Variants in IL1R2 observed in about 807,000 individuals in gnomAD.
IL1R2 encodes the protein interleukin-1 receptor type 2.
IL1R2 carries 46 observed loss-of-function variants against 39.5 expected under a neutral mutation model. That is an observed-to-expected ratio of 1.16 (90% CI 0.92 to 1.49). IL1R2 has a LOEUF of 1.49. Ranked by LOEUF, IL1R2 falls within the 40% of genes most tolerant of loss-of-function variation. The pLI is 0.00. For synonymous variants in IL1R2, 207 were observed against 189.6 expected (o/e 1.09, Z -0.75); for missense variants, 537 against 502.0 (o/e 1.07, Z -0.67).
At chr2:101,999,481 A>G (rs1012955892) in intron 1 of IL1R2, among the ~76,000 whole-genome samples, 2 of 152,142 alleles carry the variant, frequency 1.3e-5, no homozygotes, top group African/African-American at 4.8e-5. Flanking sequence ...TCGGCAAGAG[A>G]GTTGACTGAG....
Position 102,009,584 on chromosome 2 carries a change from T to A in IL1R2, c.90T>A (p.Phe30Leu), listed in dbSNP as rs1241967918. The A allele has an allele frequency of 3.1e-6, 5 of 1,613,922 alleles. No individual in the cohort carries two copies. The highest frequency in any genetic ancestry group is 4.2e-6 in the Non-Finnish European group (5 of 1,179,970). Residue 30 changes from phenylalanine to leucine, a missense_variant, in exon 3 of 9, where the codon TTT (phenylalanine) becomes TTA (leucine). By Grantham distance (22) the Phe-to-Leu change is conservative. Coordinates refer to ENST00000332549, the MANE Select transcript of IL1R2 (RefSeq NM_004633.4). ...AHTGAARSCR[F>L]RGRHYKREFR... ...CAGGGGCTGCCAGAAGCTGCCGGTT[T>A]CGTGGGAGGCATTACAAGCGGGAGT... is the stretch of plus-strand genomic sequence containing the variant.
intron 1 of IL1R2, among the ~76,000 whole-genome samples, chr2:102,003,479 GGCCTATGTCTA>G: frequency 8.5e-6 from 1 of 117,630 alleles, no homozygotes. Flanking sequence ...TCGGTGTCTA[GGCCTATGTCTA>G]TGTCTGTGTC....
intron 6 of IL1R2, among the ~76,000 whole-genome samples, chr2:102,023,073 T>A (rs555516561): frequency 1.3e-5 from 2 of 152,344 alleles, no homozygotes; most frequent in East Asian, 3.9e-4. Context: ...AAAACCTGCA[T>A]CCTTTTATGT....
Position 102,024,513 on chromosome 2 carries a change from C to T in IL1R2, c.752-20C>T. 6.3e-7 allele frequency: 1 copy of T among 1,596,858 alleles called. No individual in the cohort carries two copies. Among genetic ancestry groups the T allele is most frequent in the Non-Finnish European group, 8.6e-7 (1 of 1,164,374 alleles). On this transcript the variant is annotated intron_variant, in intron 6 of 8. Coordinates refer to ENST00000332549, the MANE Select transcript of IL1R2 (RefSeq NM_004633.4). ...AGGTGCTGGTTCTGCAGTTGACGTG[C>T]TGTGCCTTGCCATCCACAGGGTCAA... is the stretch of plus-strand genomic sequence containing the variant.
intron 4 of IL1R2, among the ~76,000 whole-genome samples, chr2:102,018,344 ACT>A (rs1423192325): frequency 6.6e-6 from 1 of 152,036 alleles, no homozygotes; most frequent in African/African-American, 2.4e-5. Flanking sequence ...TGGGTTTGAA[ACT>A]CTGTTCCTTC....
chr2:102,022,696 T>C (rs1318981179), intron 6 of IL1R2, among the ~76,000 whole-genome samples: 1 of 152,184 alleles, frequency 6.6e-6, no homozygotes, highest in Non-Finnish European at 1.5e-5. Context: ...GTCAGTTTCT[T>C]GTTGCCAGAA....
chr2:102,022,795 G>A (rs541945303), intron 6 of IL1R2, among the ~76,000 whole-genome samples: 2 of 152,206 alleles, frequency 1.3e-5, no homozygotes, highest in Admixed American at 1.3e-4. Flanking sequence ...ATCCTGGCCA[G>A]CACAGGTCCA....
At chr2:102,013,469 G>C (rs961107362) in intron 3 of IL1R2, among the ~76,000 whole-genome samples, 1 of 134,436 alleles carries the variant, frequency 7.4e-6, no homozygotes, top group Non-Finnish European at 1.5e-5. Context: ...AGCAGTAGCT[G>C]CCTGGGCCTC....
chr2:102,016,227 G>A (rs1403760463), intron 4 of IL1R2, 176 bp downstream of exon 4: 10 of 526,044 alleles, frequency 1.9e-5, no homozygotes, highest in Non-Finnish European at 2.7e-5. Flanking sequence ...CAACCAACCT[G>A]GGATTGAAAA....
chr2:101,997,067 T>C (rs1675626443), intron 1 of IL1R2, among the ~76,000 whole-genome samples: 1 of 152,144 alleles, frequency 6.6e-6, no homozygotes, highest in Non-Finnish European at 1.5e-5. Flanking sequence ...GAGGGGGACA[T>C]TGTGTCCCCA....
In IL1R2 at chr2:102,009,787, C is replaced by G. The variant is rs936550727; in HGVS notation, c.293C>G (p.Ala98Gly). ...AQDGALWLLP[A>G]LQEDSGTYVC... ...GACGGTGCTCTGTGGCTTCTGCCAG[C>G]CTTGCAGGAGGACTCTGGCACCTAC... Residue 98 changes from alanine (A) to glycine (G), a missense_variant, in exon 3 of 9, where the codon GCC becomes GGC. Ala to Gly is a moderately conservative substitution (Grantham distance 60). Transcript: ENST00000332549. The G allele has an allele frequency of 1.2e-6, 2 of 1,614,086 alleles. No homozygotes were observed. Among genetic ancestry groups the G allele is most frequent in the African/African-American group, 2.7e-5 (2 of 74,920 alleles).
chr2:102,019,375 C>T (rs981648675), intron 4 of IL1R2, among the ~76,000 whole-genome samples: 2 of 152,146 alleles, frequency 1.3e-5, no homozygotes, highest in African/African-American at 4.8e-5. Context: ...AAGAAGAGTT[C>T]GTCTCTTTTT....
At position 102,028,163 on chromosome 2, in the gene IL1R2, G is replaced by T. The variant is rs377707576; in HGVS notation, c.1031-63G>T. 167 of 1,376,452 alleles carry T rather than the reference G, an allele frequency of 1.2e-4. 2 individuals carry two copies. In the East Asian group the frequency reaches 1.9e-3, roughly 15 times the overall value. 85.3% of individuals were successfully genotyped at this position (1,376,452 alleles called of 1,614,324 possible). A position where few individuals can be genotyped will look rare whatever the true frequency, so the allele number is the denominator to read the frequency against. On this transcript the variant is annotated intron_variant, in intron 8 of 8. Transcript: ENST00000332549. Reference sequence around the variant, plus strand: ...CTTTCTTATCTTGTACACCTGCATTGCCCTGTCCTCTTGTACAGTGAGAGA... The same window carrying T: ...CTTTCTTATCTTGTACACCTGCATTTCCCTGTCCTCTTGTACAGTGAGAGA...
At chr2:102,006,525 A>G (rs1038387291) in intron 1 of IL1R2, among the ~76,000 whole-genome samples, 2 of 152,150 alleles carry the variant, frequency 1.3e-5, no homozygotes, top group South Asian at 4.1e-4. Flanking sequence ...CAATGCCGCA[A>G]TGCCGCCCTG....
chr2:102,014,825 T>G (rs1041905609), intron 3 of IL1R2, among the ~76,000 whole-genome samples: 13 of 151,706 alleles, frequency 8.6e-5, no homozygotes, highest in Admixed American at 7.9e-4. Flanking sequence ...AGAGTAGTTT[T>G]AATTACTGTT....
intron 8 of IL1R2, among the ~76,000 whole-genome samples, chr2:102,027,126 A>T (rs561530429): frequency 1.3e-5 from 2 of 152,166 alleles, no homozygotes; most frequent in South Asian, 4.1e-4. Flanking sequence ...ACAAACACAG[A>T]TCTCAGGACT....
At chr2:102,024,049 AAAAACAAAAC>A (rs1165604751) in intron 6 of IL1R2, among the ~76,000 whole-genome samples, 1 of 98,086 alleles carries the variant, frequency 1.0e-5, no homozygotes, top group Admixed American at 9.5e-5. Flanking sequence ...ACTCCATCTC[AAAAACAAAAC>A]AAAACAAAAC....
In IL1R2 at chr2:102,016,014, C is replaced by T; in HGVS notation, c.476C>T (p.Thr159Ile). 1.2e-6 allele frequency: 2 copies of T among 1,613,862 alleles called. No individual in the cohort carries two copies. Among genetic ancestry groups the T allele is most frequent in the South Asian group, 1.1e-5 (1 of 91,036 alleles). The change falls in exon 4 of 9, where the codon ACC becomes ATC. Residue 159 changes from threonine to isoleucine, a missense_variant. Coordinates refer to ENST00000332549, the MANE Select transcript of IL1R2 (RefSeq NM_004633.4). ...VLVCPDLSEF[T>I]RDKTDVKIQW... ...GTATGCCCTGACCTGAGTGAATTCACCCGTGACAAAACTGACGTGAAGATT... is the reference window on the plus strand; with the variant it reads ...GTATGCCCTGACCTGAGTGAATTCATCCGTGACAAAACTGACGTGAAGATT...
chr2:102,024,843 C>A, intron 7 of IL1R2, 175 bp downstream of exon 7: 2 of 804,500 alleles, frequency 2.5e-6, no homozygotes, highest in Non-Finnish European at 3.6e-6. Flanking sequence ...GAGAATCAAA[C>A]TTTCTCTGTA....
Sources: gnomAD v4.1 joint callset for allele counts (sites outside exome capture counted in the v4.1 genomes callset) on GRCh38, gnomAD v4.1.1 for gene constraint, MANE v1.5 for transcripts, NCBI Gene and HGNC (gene_info 2026-07-23, HGNC 2026-07-21) for gene names.